Variants in ITPR1 observed in about 807,000 individuals in gnomAD.
ITPR1 encodes inositol 1,4,5-trisphosphate receptor type 1.
A neutral mutation model predicts 318.4 loss-of-function variants in ITPR1; 96 were observed. The observed-to-expected ratio is 0.30, with a 90% CI of 0.26 to 0.36. The LOEUF (loss-of-function observed/expected upper bound fraction) is 0.36. Among genes scored for constraint, ITPR1 ranks in the 10% least tolerant of loss-of-function variants. ITPR1 has a pLI of 1.00. For missense variants in ITPR1, 2,440 were observed against 3,460.2 expected, an observed-to-expected ratio of 0.71 and a Z score of 7.40; for synonymous variants, 1,312 against 1,289.9, an observed-to-expected ratio of 1.02 and a Z score of -0.37.
chr3:4,762,353 A>G (rs1444462531), intron 44 of ITPR1, among the ~76,000 whole-genome samples: 3 of 152,182 alleles, frequency 2.0e-5, no homozygotes, highest in Non-Finnish European at 4.4e-5. Flanking sequence ...CTTCACAACC[A>G]TCCATGAAGT....
chr3:4,600,516 G>A (rs1261215746), intron 4 of ITPR1, among the ~76,000 whole-genome samples: 3 of 152,036 alleles, frequency 2.0e-5, no homozygotes, highest in Admixed American at 6.6e-5. Flanking sequence ...TTGTGTGTGT[G>A]TCTGTGTCTG....
At chr3:4,790,250 C>A (rs926169100) in intron 52 of ITPR1, among the ~76,000 whole-genome samples, 1 of 152,222 alleles carries the variant, frequency 6.6e-6, no homozygotes, top group Non-Finnish European at 1.5e-5. Context: ...CTGCCCCCAA[C>A]AGGCTCCATG....
At chr3:4,566,511 C>T (rs1042161708) in intron 4 of ITPR1, among the ~76,000 whole-genome samples, 11 of 151,514 alleles carry the variant, frequency 7.3e-5, no homozygotes, top group African/African-American at 2.7e-4. Flanking sequence ...CAAGTAAGGC[C>T]AGATAGAATT....
intron 47 of ITPR1, among the ~76,000 whole-genome samples, chr3:4,776,862 G>C (rs1191272050): frequency 6.6e-6 from 1 of 152,162 alleles, no homozygotes; most frequent in Non-Finnish European, 1.5e-5. Flanking sequence ...TGCTTTCCAA[G>C]CTTAAGCCTT....
intron 4 of ITPR1, among the ~76,000 whole-genome samples, chr3:4,610,589 C>A (rs1051525230): frequency 9.2e-5 from 14 of 151,994 alleles, no homozygotes; most frequent in African/African-American, 3.1e-4. Context: ...AAATAGCCAG[C>A]GGAATGCACA....
chr3:4,629,382 A>G (rs1400882598), intron 5 of ITPR1, among the ~76,000 whole-genome samples: 1 of 152,064 alleles, frequency 6.6e-6, no homozygotes, highest in Non-Finnish European at 1.5e-5. Context: ...CTCCCACCTT[A>G]TCTAAGAGAT....
At chr3:4,729,674 G>C (rs373218486) in intron 42 of ITPR1, among the ~76,000 whole-genome samples, 17 of 152,302 alleles carry the variant, frequency 1.1e-4, no homozygotes, top group African/African-American at 3.6e-4. Flanking sequence ...GAGTGACCAG[G>C]TAGGAGCTTG....
At chr3:4,721,767 G>A (rs1192745152) in intron 40 of ITPR1, among the ~76,000 whole-genome samples, 3 of 152,178 alleles carry the variant, frequency 2.0e-5, no homozygotes, top group Admixed American at 6.5e-5. Context: ...GGTAGGAAGG[G>A]GATTACTGCT....
At chr3:4,590,197 T>C (rs1438085098) in intron 4 of ITPR1, among the ~76,000 whole-genome samples, 1 of 75,860 alleles carries the variant, frequency 1.3e-5, no homozygotes, top group Non-Finnish European at 2.8e-5. Flanking sequence ...TTTTTTTTTG[T>C]CTTCATAGCA....
chr3:4,652,154 C>A lies in ITPR1; in HGVS notation c.887C>A (p.Ala296Glu). ...VVQHDPCRGG[A>E]GYWNSLFRFK... ...CAGCATGACCCATGTCGGGGCGGAG[C>A]AGGGTATTGGAACAGCCTTTTCCGT... Residue 296 changes from alanine to glutamate, a missense_variant, in exon 11 of 62, where the codon GCA becomes GAA. Physicochemically the swap from Ala to Glu is moderately radical, Grantham distance 107. Transcript: ENST00000649015. The A allele has an allele frequency of 1.2e-6, 2 of 1,612,972 alleles. No individual in the cohort carries two copies. The highest frequency in any genetic ancestry group is 1.7e-6 in the Non-Finnish European group (2 of 1,179,540).
At chr3:4,539,134 T>G (rs1260746800) in intron 4 of ITPR1, among the ~76,000 whole-genome samples, 1 of 152,244 alleles carries the variant, frequency 6.6e-6, no homozygotes, top group Non-Finnish European at 1.5e-5. Context: ...ATGCAGTATT[T>G]TTCTTATTGA....
rs2094063501 is a variant in ITPR1, at chr3:4,670,926, G to A, written c.2204G>A (p.Arg735Lys). 1.3e-6 allele frequency: 2 copies of A among 1,560,784 alleles called. No homozygotes were observed. The highest frequency in any genetic ancestry group is 1.7e-6 in the Non-Finnish European group (2 of 1,152,402). ...KEDRDVLSYY[R>K]YQLNLFARMC... ...GACCGAGACGTTCTCAGCTACTACAGGTGCGTGGGACACGTGTGGGGCTCA... is the reference window on the plus strand; with the variant it reads ...GACCGAGACGTTCTCAGCTACTACAAGTGCGTGGGACACGTGTGGGGCTCA... Residue 735 changes from arginine (R) to lysine (K), a missense_variant and splice_region_variant, in exon 20 of 62, where the codon AGA (arginine) becomes AAA (lysine). Coordinates refer to ENST00000649015, the MANE Select transcript of ITPR1 (RefSeq NM_001378452.1).
intron 4 of ITPR1, among the ~76,000 whole-genome samples, chr3:4,596,515 A>G (rs2090836267): frequency 6.6e-6 from 1 of 152,190 alleles, no homozygotes; most frequent in Non-Finnish European, 1.5e-5. Context: ...TTGTGTTTCA[A>G]AAGGCTTAGC....
intron 3 of ITPR1, among the ~76,000 whole-genome samples, chr3:4,518,795 T>G (rs1269384567): frequency 6.6e-6 from 1 of 152,220 alleles, no homozygotes; most frequent in Non-Finnish European, 1.5e-5. Context: ...TTCAGCTTGG[T>G]GCGGTAGCTA....
At chr3:4,669,920 A>G (rs1382629544) in intron 19 of ITPR1, 147 bp downstream of exon 19, 1 of 844,398 alleles carries the variant, frequency 1.2e-6, no homozygotes, top group Non-Finnish European at 1.7e-6. Context: ...AAAAGTCTTG[A>G]TTAGGAGAAT....
chr3:4,658,550 C>G (rs1206484800), intron 13 of ITPR1, among the ~76,000 whole-genome samples: 1 of 150,788 alleles, frequency 6.6e-6, no homozygotes, highest in Non-Finnish European at 1.5e-5. Flanking sequence ...TCCCTCTACT[C>G]CCTTCCTCCT....
At position 4,800,576 on chromosome 3, in the gene ITPR1, G is replaced by C; in HGVS notation, c.7083G>C (p.Thr2361=). 1 of 1,614,020 alleles carries C rather than the reference G, an allele frequency of 6.2e-7. No individual in the cohort carries two copies. Among genetic ancestry groups the C allele is most frequent in the Non-Finnish European group, 8.5e-7 (1 of 1,179,884 alleles). Residue 2361 remains threonine, a synonymous_variant, in exon 54 of 62, where the codon ACG becomes ACC. Transcript: ENST00000649015. ...RLIFSVGLQP[T]LFLLGAFNVC... ...TATTTTCAGTCGGGTTACAACCCAC[G>C]TTGTTTCTTCTGGGCGCTTTCAATG...
chr3:4,668,704 G>T (rs2094006630), intron 18 of ITPR1, among the ~76,000 whole-genome samples: 1 of 152,156 alleles, frequency 6.6e-6, no homozygotes, highest in African/African-American at 2.4e-5. Context: ...CTGACCTCGT[G>T]ATCTGTCCGC....
chr3:4,607,465 A>G (rs2091781915), intron 4 of ITPR1, among the ~76,000 whole-genome samples: 2 of 152,122 alleles, frequency 1.3e-5, no homozygotes, highest in African/African-American at 2.4e-5. Flanking sequence ...AAACCACCCA[A>G]TGGGTTCTTC....
Sources: allele counts gnomAD v4.1 joint callset (sites outside exome capture counted in the v4.1 genomes callset), GRCh38; gene constraint gnomAD v4.1.1; transcripts MANE v1.5; gene names NCBI Gene and HGNC (gene_info 2026-07-23, HGNC 2026-07-21).